AHI1: variants seen among roughly 807,000 people sequenced by gnomAD.
The protein encoded by AHI1 is jouberin.
Under a neutral mutation model 149.3 loss-of-function variants are expected in AHI1, and 123 were observed. The ratio of observed to expected loss-of-function variants is 0.82; its 90% CI spans 0.71 to 0.96. The LOEUF (loss-of-function observed/expected upper bound fraction) is 0.96. AHI1 is among the 40% of genes least tolerant of loss of function. The pLI is 0.00. For synonymous variants in AHI1, 475 were observed against 459.8 expected (o/e 1.03, Z -0.42); for missense variants, 1,439 against 1,422.7 (o/e 1.01, Z -0.18).
chr6:135,454,026 C>T (rs17064532), intron 10 of AHI1, among the ~76,000 whole-genome samples: 1,831 of 152,062 alleles, frequency 0.012, 44 homozygotes, highest in African/African-American at 0.042. Flanking sequence ...AGCTCAGCTG[C>T]GAAAATGAGA....
At chr6:135,288,844 C>CA (rs916164362) in intron 28 of AHI1, among the ~76,000 whole-genome samples, 27 of 146,078 alleles carry the variant, frequency 1.8e-4, no homozygotes, top group South Asian at 4.4e-4. Flanking sequence ...CAAAACAAAA[C>CA]AAAAAAAAAA....
intron 23 of AHI1, among the ~76,000 whole-genome samples, chr6:135,372,204 A>C (rs1396969166): frequency 1.3e-5 from 2 of 152,190 alleles, no homozygotes; most frequent in African/African-American, 2.4e-5. Context: ...TACAACTCAG[A>C]CTTCCATCAG....
At chr6:135,460,517 C>T (rs1306380485) in intron 8 of AHI1, among the ~76,000 whole-genome samples, 1 of 151,880 alleles carries the variant, frequency 6.6e-6, no homozygotes, top group African/African-American at 2.4e-5. Context: ...TTAGATTCAC[C>T]CAGTCTAGAT....
At chr6:135,389,744 A>T (rs1179731880) in intron 23 of AHI1, among the ~76,000 whole-genome samples, 2 of 152,206 alleles carry the variant, frequency 1.3e-5, no homozygotes, top group Non-Finnish European at 2.9e-5. Context: ...TGCTGTGAAA[A>T]TATATACAAA....
chr6:135,433,263 A>G lies in AHI1; in HGVS notation c.2037-7T>C, dbSNP rs539801988. ...TATTTCATTTTTCCATATCCTGGAA[A>G]AGGATAAGAAGTTACATATTGCTTC... On this transcript the variant is annotated splice_polypyrimidine_tract_variant and splice_region_variant and intron_variant, in intron 15 of 28. Transcript: ENST00000265602. 2.4e-5 allele frequency: 38 copies of G among 1,572,654 alleles called. No homozygotes were observed. The South Asian group carries it at 3.8e-4, about 16-fold the overall frequency.
intron 3 of AHI1, among the ~76,000 whole-genome samples, chr6:135,494,966 AG>A (rs1406758921): frequency 6.6e-6 from 1 of 152,204 alleles, no homozygotes; most frequent in East Asian, 1.9e-4. Context: ...CTGTTTATAG[AG>A]GGGCAGAAAC....
intron 17 of AHI1, among the ~76,000 whole-genome samples, chr6:135,430,741 T>A (rs1784533591): frequency 6.6e-6 from 1 of 151,892 alleles, no homozygotes; most frequent in Non-Finnish European, 1.5e-5. Context: ...TTCGGCAAAT[T>A]TCAAATGAAA....
At chr6:135,492,313 A>G in intron 3 of AHI1, 22 bp from the exon 4 acceptor site, 2 of 1,475,150 alleles carry the variant, frequency 1.4e-6, no homozygotes, top group South Asian at 3.0e-5. Context: ...AAGGAGATGT[A>G]TTTGTAATAT....
chr6:135,413,111 T>C (rs1454509729), intron 20 of AHI1, among the ~76,000 whole-genome samples: 1 of 152,036 alleles, frequency 6.6e-6, no homozygotes, highest in African/African-American at 2.4e-5. Context: ...GGAGGATCAC[T>C]TGAGCCTAGG....
intron 22 of AHI1, among the ~76,000 whole-genome samples, chr6:135,401,242 TG>T (rs771808414): frequency 6.6e-5 from 10 of 152,186 alleles, no homozygotes. Flanking sequence ...CTTTGTCCCA[TG>T]AACCTATTTT....
intron 5 of AHI1, among the ~76,000 whole-genome samples, chr6:135,475,653 C>A (rs1792487867): frequency 6.6e-6 from 1 of 152,142 alleles, no homozygotes; most frequent in Non-Finnish European, 1.5e-5. Flanking sequence ...CCCTGGGTGG[C>A]AACACTTTGC....
chr6:135,285,418 C>T lies in AHI1; in HGVS notation c.*227G>A. On this transcript the variant is annotated 3_prime_UTR_variant, in exon 29 of 29. Coordinates refer to ENST00000265602, the MANE Select transcript of AHI1 (RefSeq NM_001134831.2). ...AACAATATAAGTACCAATACTTTGA[C>T]CAACAATAGTCACAATGGTTTATAA... 1 of 585,930 alleles carries T rather than the reference C, an allele frequency of 1.7e-6. No homozygotes were observed. The highest frequency in any genetic ancestry group is 2.8e-5 in the East Asian group (1 of 35,706). 36.3% of individuals were successfully genotyped at this position (585,930 alleles called of 1,614,324 possible).
chr6:135,410,812 A>AT (rs1427524335), intron 21 of AHI1, among the ~76,000 whole-genome samples: 2 of 152,336 alleles, frequency 1.3e-5, no homozygotes, highest in East Asian at 3.9e-4. Context: ...ATAGCAAAGC[A>AT]TTTTAAGATA....
intron 28 of AHI1, 118 bp downstream of exon 28, chr6:135,290,305 G>GGC: frequency 1.4e-6 from 1 of 710,238 alleles, no homozygotes; most frequent in Admixed American, 2.2e-5. Context: ...ATCCCAAATG[G>GGC]GACTTGTCAG....
intron 16 of AHI1, among the ~76,000 whole-genome samples, chr6:135,432,785 T>G (rs1279618729): frequency 6.6e-6 from 1 of 152,204 alleles, no homozygotes; most frequent in Admixed American, 6.5e-5. Context: ...ATTTATGCAA[T>G]TTGGCACATG....
intron 24 of AHI1, among the ~76,000 whole-genome samples, chr6:135,324,944 A>T (rs1787422288): frequency 6.6e-6 from 1 of 152,198 alleles, no homozygotes; most frequent in South Asian, 2.1e-4. Flanking sequence ...ACTGGCTCAA[A>T]TGCAATGCCT....
intron 20 of AHI1, among the ~76,000 whole-genome samples, chr6:135,422,391 A>G (rs1259868729): frequency 6.6e-6 from 1 of 151,990 alleles, no homozygotes; most frequent in Non-Finnish European, 1.5e-5. Flanking sequence ...CTGTGGTCCC[A>G]GCTACTCGGG....
At chr6:135,347,037 G>A (rs1051618048) in intron 24 of AHI1, among the ~76,000 whole-genome samples, 3 of 152,168 alleles carry the variant, frequency 2.0e-5, no homozygotes, top group South Asian at 2.1e-4. Flanking sequence ...GCCTCAGATC[G>A]TTATCTGTTT....
At chr6:135,377,583 T>A (rs1394373226) in intron 23 of AHI1, among the ~76,000 whole-genome samples, 1 of 151,984 alleles carries the variant, frequency 6.6e-6, no homozygotes, top group East Asian at 1.9e-4. Flanking sequence ...TGGGCTCAAG[T>A]GATGCTTCCA....
Sources: gnomAD v4.1 joint callset for allele counts (sites outside exome capture counted in the v4.1 genomes callset) on GRCh38, gnomAD v4.1.1 for gene constraint, MANE v1.5 for transcripts, NCBI Gene and HGNC (gene_info 2026-07-23, HGNC 2026-07-21) for gene names.